ACBD6: variants seen among roughly 807,000 people sequenced by gnomAD.
ACBD6 encodes the protein acyl-CoA binding domain containing 6.
ACBD6 carries 28 observed loss-of-function variants against 37.2 expected under a neutral mutation model. The observed-to-expected ratio is 0.75, with a 90% CI of 0.56 to 1.03. The LOEUF is 1.03. Ranked by LOEUF, ACBD6 falls within the 50% of genes least tolerant of loss-of-function variation. The probability of loss-of-function intolerance (pLI) is 0.00; values close to 1 mark genes in which losing one functional copy is unlikely to be tolerated. For missense variants in ACBD6, 340 were observed against 337.4 expected (o/e 1.01, Z -0.06); for synonymous variants, 113 against 126.8 (o/e 0.89, Z 0.73).
At chr1:180,389,451 G>A (rs1349026619) in intron 6 of ACBD6, among the ~76,000 whole-genome samples, 1 of 152,158 alleles carries the variant, frequency 6.6e-6, no homozygotes, top group Admixed American at 6.5e-5. Context: ...GAATAGTGCT[G>A]CAATAAACAT....
downstream of ACBD6, chr1:180,287,282 T>G (rs1649533795): frequency 6.6e-6 from 1 of 151,820 alleles, no homozygotes; most frequent in Non-Finnish European, 1.5e-5. Flanking sequence ...GCACCTGTAG[T>G]CCCAGCTATC....
intron 6 of ACBD6, among the ~76,000 whole-genome samples, chr1:180,345,220 T>C (rs1048523288): frequency 5.3e-5 from 8 of 152,158 alleles, no homozygotes; most frequent in African/African-American, 1.9e-4. Flanking sequence ...TATACCTTAA[T>C]CCACTCTATT....
At chr1:180,501,680 C>T (rs1651982243) in intron 1 of ACBD6, among the ~76,000 whole-genome samples, 1 of 152,146 alleles carries the variant, frequency 6.6e-6, no homozygotes. Context: ...ATTAACTTTA[C>T]CGTATTTACT....
chr1:180,408,944 C>T (rs1489763580), intron 5 of ACBD6, among the ~76,000 whole-genome samples: 1 of 151,938 alleles, frequency 6.6e-6, no homozygotes, highest in African/African-American at 2.4e-5. Flanking sequence ...ATTACTAAAG[C>T]TCAGGAGTTC....
chr1:180,342,685 G>A (rs1652025964), intron 6 of ACBD6, among the ~76,000 whole-genome samples: 1 of 151,934 alleles, frequency 6.6e-6, no homozygotes, highest in Non-Finnish European at 1.5e-5. Flanking sequence ...TCTTCTTTGT[G>A]TGTTAAAATG....
intron 3 of ACBD6, among the ~76,000 whole-genome samples, chr1:180,480,209 G>A (rs377639570): frequency 1.3e-5 from 2 of 152,090 alleles, no homozygotes; most frequent in South Asian, 4.1e-4. Context: ...GATAAGTCAC[G>A]TCCGAAGCAA....
At chr1:180,377,525 T>C (rs1571427350) in intron 6 of ACBD6, among the ~76,000 whole-genome samples, 1 of 152,060 alleles carries the variant, frequency 6.6e-6, no homozygotes, top group African/African-American at 2.4e-5. Flanking sequence ...TCGGGGGAAA[T>C]AGCCAGTTCT....
At position 180,467,148 on chromosome 1, in the gene ACBD6, T is replaced by C. The variant is rs193011009; in HGVS notation, c.384+25121A>G. 1.5e-4 allele frequency among the ~76,000 whole-genome samples: 23 copies of C among 152,098 alleles called. No individual in the cohort carries two copies. In the East Asian group the frequency reaches 3.7e-3, roughly 24 times the overall value. ...TTTTTTTAGAGCCAAGGTATCACTA[T>C]GTTTCTGAGGCTGCACTAATTCCTG... is the stretch of plus-strand genomic sequence containing the variant. On this transcript the variant is annotated intron_variant, in intron 3 of 7. Transcript: ENST00000367595.
Position 180,490,197 on chromosome 1 carries a change from AGTT to A in ACBD6, c.384+2069_384+2071del, listed in dbSNP as rs1651438577. ...GTTTCATTTCTAAACATTGTGCAAC[AGTT>A]GTTCAGGCTGAGTTCAGCTCAGGGG... On this transcript the variant is annotated intron_variant, in intron 3 of 7. Transcript: ENST00000367595. Among the ~76,000 whole-genome samples the A allele has an allele frequency of 2.0e-5, 3 of 152,306 alleles. No homozygotes were observed. The South Asian group carries it at 6.2e-4, about 32-fold the overall frequency.
chr1:180,403,534 C>G (rs567107372), intron 5 of ACBD6, among the ~76,000 whole-genome samples: 1 of 151,952 alleles, frequency 6.6e-6, no homozygotes, highest in Non-Finnish European at 1.5e-5. Context: ...GGTAGAAATA[C>G]GGATGTTCAT....
chr1:180,313,990 T>G (rs1479947865), intron 7 of ACBD6, among the ~76,000 whole-genome samples: 3 of 152,208 alleles, frequency 2.0e-5, no homozygotes, highest in African/African-American at 7.2e-5. Context: ...GCTAATCAGT[T>G]AGTAGGAGAA....
At chr1:180,314,305 T>C (rs1452347459) in intron 7 of ACBD6, among the ~76,000 whole-genome samples, 2 of 152,126 alleles carry the variant, frequency 1.3e-5, no homozygotes, top group Non-Finnish European at 2.9e-5. Flanking sequence ...AGTGCAGTGG[T>C]GCAATCTCGG....
chr1:180,482,850 G>A (rs1345010057), intron 3 of ACBD6, among the ~76,000 whole-genome samples: 1 of 152,166 alleles, frequency 6.6e-6, no homozygotes, highest in Non-Finnish European at 1.5e-5. Flanking sequence ...TAGGGAATGG[G>A]ACTGAAAGTG....
intron 6 of ACBD6, among the ~76,000 whole-genome samples, chr1:180,381,873 C>T (rs953741852): frequency 1.4e-4 from 22 of 151,834 alleles, no homozygotes; most frequent in African/African-American, 4.8e-4. Context: ...TTTGGGAGGC[C>T]GAGGTGGGCA....
intron 3 of ACBD6, among the ~76,000 whole-genome samples, chr1:180,489,697 C>T (rs1651414203): frequency 3.3e-5 from 5 of 151,492 alleles, no homozygotes; most frequent in Admixed American, 3.3e-4. Flanking sequence ...TGCTCTGTCG[C>T]CCAGGCTGGA....
intron 5 of ACBD6, among the ~76,000 whole-genome samples, chr1:180,411,052 A>G (rs770131227): frequency 6.6e-6 from 1 of 152,214 alleles, no homozygotes; most frequent in Non-Finnish European, 1.5e-5. Flanking sequence ...TCAAGACTTC[A>G]GTGGAAAAGT....
intron 6 of ACBD6, among the ~76,000 whole-genome samples, chr1:180,388,812 A>G (rs1380622788): frequency 6.6e-6 from 1 of 150,746 alleles, no homozygotes; most frequent in Non-Finnish European, 1.5e-5. Flanking sequence ...AATTTCATTT[A>G]TAACATTAAA....
At chr1:180,481,568 T>C (rs1234861225) in intron 3 of ACBD6, among the ~76,000 whole-genome samples, 1 of 152,224 alleles carries the variant, frequency 6.6e-6, no homozygotes, top group Non-Finnish European at 1.5e-5. Context: ...TAACCAAAAA[T>C]GCTAAGTTTT....
chr1:180,501,998 A>T (rs1009496821), intron 1 of ACBD6, 47 bp downstream of exon 1: 1 of 1,578,818 alleles, frequency 6.3e-7, no homozygotes, highest in Non-Finnish European at 8.7e-7. Flanking sequence ...TTGAGGAAGA[A>T]GGCTCCGTGT....
Sources: allele counts gnomAD v4.1 joint callset (sites outside exome capture counted in the v4.1 genomes callset), GRCh38; gene constraint gnomAD v4.1.1; transcripts MANE v1.5; gene names NCBI Gene and HGNC (gene_info 2026-07-23, HGNC 2026-07-21).